HADHA: variants seen among roughly 807,000 people sequenced by gnomAD.
HADHA encodes the protein hydroxyacyl-CoA dehydrogenase trifunctional multienzyme complex subunit alpha.
A neutral mutation model predicts 91.3 loss-of-function variants in HADHA; 59 were observed. The observed-to-expected ratio is 0.65, with a 90% CI of 0.52 to 0.80. The LOEUF is 0.80. Ranked by LOEUF, HADHA falls within the 30% of genes least tolerant of loss-of-function variation. HADHA has a pLI of 0.00. For missense variants in HADHA, 800 were observed against 927.6 expected, an observed-to-expected ratio of 0.86 and a Z score of 1.79; for synonymous variants, 320 against 338.9, an observed-to-expected ratio of 0.94 and a Z score of 0.61.
Position 26,194,615 on chromosome 2 carries a change from G to A in HADHA, c.1644C>T (p.Thr548=), listed in dbSNP as rs1669609984. The A allele has an allele frequency of 6.2e-7, 1 of 1,611,518 alleles. No individual in the cohort carries two copies. The highest frequency in any genetic ancestry group is 2.2e-5 in the East Asian group (1 of 44,872). The change falls in exon 16 of 20, where the codon ACC becomes ACT. Residue 548 remains threonine, a synonymous_variant. Coordinates refer to ENST00000380649, the MANE Select transcript of HADHA (RefSeq NM_000182.5). ...CAGACATCATGGGCGCAAGACACCT[G>A]GTAGTATAGAAGCCAGGTCCATCCT... ...VVKDGPGFYT[T]RCLAPMMSEV...
chr2:26,228,740 T>C (rs2147778930), intron 7 of HADHA, among the ~76,000 whole-genome samples: 1 of 152,302 alleles, frequency 6.6e-6, no homozygotes, highest in African/African-American at 2.4e-5. Context: ...GGTGTGATCA[T>C]AGCTCACTAC....
chr2:26,201,331 C>A lies in HADHA; in HGVS notation c.1221-11G>T, dbSNP rs778084207. 9 of 1,582,762 alleles carry A rather than the reference C, an allele frequency of 5.7e-6. No individual in the cohort carries two copies. Among genetic ancestry groups the A allele is most frequent in the South Asian group, 2.2e-5 (2 of 90,436 alleles). The stretch of plus-strand genomic sequence containing the variant: ...ACTTTGTCATTCAATCTAGAAAAAA[C>A]ACATTCCTAGTTAGATGGGAAGAAA... On this transcript the variant is annotated splice_polypyrimidine_tract_variant and intron_variant, in intron 12 of 19. Coordinates refer to ENST00000380649, the MANE Select transcript of HADHA (RefSeq NM_000182.5).
intron 6 of HADHA, among the ~76,000 whole-genome samples, chr2:26,231,841 C>T (rs1297404883): frequency 6.6e-6 from 1 of 151,798 alleles, no homozygotes; most frequent in Non-Finnish European, 1.5e-5. Flanking sequence ...CAGTGGTGCA[C>T]GCCTGTAATT....
intron 7 of HADHA, among the ~76,000 whole-genome samples, chr2:26,216,854 T>C (rs1574616340): frequency 6.6e-6 from 1 of 152,112 alleles, no homozygotes. Context: ...TTGTTCTGCA[T>C]GTGCATGAGG....
chr2:26,239,765 G>A (rs1162820574), intron 1 of HADHA, among the ~76,000 whole-genome samples: 2 of 151,998 alleles, frequency 1.3e-5, no homozygotes, highest in Admixed American at 1.3e-4. Context: ...AGCACCAGAA[G>A]CAGAATGGGG....
Position 26,214,529 on chromosome 2 carries a change from C to A in HADHA, c.832G>T (p.Val278Phe). The A allele has an allele frequency of 6.2e-7, 1 of 1,603,486 alleles. No homozygotes were observed. The highest frequency in any genetic ancestry group is 8.5e-7 in the Non-Finnish European group (1 of 1,170,656). Reference sequence around the variant, plus strand: ...ACTTTTTTGTAAACCTGTTGCCTGACAAATGGAATAGTCATGGCATACGCT... The same window carrying A: ...ACTTTTTTGTAAACCTGTTGCCTGAAAAATGGAATAGTCATGGCATACGCT... ...LTAYAMTIPF[V>F]RQQVYKKVEE... The change falls in exon 9 of 20, where the codon GTC becomes TTC. Residue 278 changes from valine to phenylalanine, a missense_variant. By Grantham distance (50) the Val-to-Phe change is conservative. Coordinates refer to ENST00000380649, the MANE Select transcript of HADHA (RefSeq NM_000182.5). This position sits in a 1 kb window ranked among gnomAD's most constrained non-coding sequence, Gnocchi z 4.1.
intron 14 of HADHA, 87 bp from the exon 15 acceptor site, chr2:26,195,319 A>G: frequency 8.8e-7 from 1 of 1,132,832 alleles, no homozygotes; most frequent in Non-Finnish European, 1.3e-6. Flanking sequence ...AAACACTAGA[A>G]AGAAAGGTGG....
In HADHA at chr2:26,232,274, G is replaced by A; in HGVS notation, c.459C>T (p.Ala153=). The change falls in exon 6 of 20, where the codon GCC becomes GCT. Residue 153 remains alanine, a synonymous_variant. Coordinates refer to ENST00000380649, the MANE Select transcript of HADHA (RefSeq NM_000182.5). The part of the protein sequence containing the change: ...GSCLGGGLEV[A]ISCQYRIATK... Reference sequence around the variant, plus strand: ...TTGCTATTCTGTATTGGCATGAAATGGCAACCTTTGAACAAATGAAAGAAA... The same window carrying A: ...TTGCTATTCTGTATTGGCATGAAATAGCAACCTTTGAACAAATGAAAGAAA... The A allele has an allele frequency of 6.3e-7, 1 of 1,598,468 alleles. No individual in the cohort carries two copies. Among genetic ancestry groups the A allele is most frequent in the South Asian group, 1.1e-5 (1 of 90,718 alleles).
intron 7 of HADHA, among the ~76,000 whole-genome samples, chr2:26,226,036 G>A (rs1670477439): frequency 1.3e-5 from 2 of 152,068 alleles, no homozygotes; most frequent in African/African-American, 4.8e-5. Context: ...AAAAATCTTT[G>A]TATTTCTATA....
intron 7 of HADHA, among the ~76,000 whole-genome samples, chr2:26,226,300 AT>A (rs1457077851): frequency 1.3e-5 from 2 of 152,228 alleles, no homozygotes; most frequent in African/African-American, 2.4e-5. Context: ...CCTAGCAGGT[AT>A]TTTTGTAGAT....
chr2:26,232,134 C>T (rs35746418), intron 6 of HADHA, 26 bp downstream of exon 6: 1 of 1,574,746 alleles, frequency 6.4e-7, no homozygotes, highest in Non-Finnish European at 8.7e-7. Flanking sequence ...GGGCATATAG[C>T]TTCACAAAGG....
intron 7 of HADHA, among the ~76,000 whole-genome samples, chr2:26,219,006 CAA>C (rs371567909): frequency 7.8e-5 from 8 of 102,722 alleles, no homozygotes; most frequent in Admixed American, 1.1e-4. Context: ...GACTCCGTCT[CAA>C]AAAAAAAAAA....
intron 10 of HADHA, among the ~76,000 whole-genome samples, chr2:26,211,123 G>A (rs564471934): frequency 2.6e-4 from 40 of 152,196 alleles, no homozygotes; most frequent in African/African-American, 8.4e-4. Context: ...AAATTTAGTG[G>A]GTGCCAATAA....
At chr2:26,196,708 G>A (rs1324769611) in intron 14 of HADHA, among the ~76,000 whole-genome samples, 1 of 152,202 alleles carries the variant, frequency 6.6e-6, no homozygotes, top group East Asian at 1.9e-4. Flanking sequence ...TAGATACTTG[G>A]AGGGCAGAAC....
At chr2:26,236,368 T>C (rs1345750559) in intron 4 of HADHA, among the ~76,000 whole-genome samples, 1 of 144,820 alleles carries the variant, frequency 6.9e-6, no homozygotes. Context: ...TGTATATATA[T>C]ATATATATAC....
In HADHA at chr2:26,205,433, T is replaced by C. The variant is rs77254657; in HGVS notation, c.1086-1237A>G. 4.6e-3 allele frequency among the ~76,000 whole-genome samples: 697 copies of C among 152,216 alleles called. 3 individuals are homozygous for C. The highest frequency in any genetic ancestry group is 0.016 in the African/African-American group (679 of 41,530). ...GTACAAATATTTATATGGTGAGTGA[T>C]AAGTAATTGCAGGACAATGAGAAAA... On this transcript the variant is annotated intron_variant, in intron 11 of 19. Transcript: ENST00000380649.
At chr2:26,201,999 C>T (rs926938058) in intron 12 of HADHA, among the ~76,000 whole-genome samples, 4 of 151,158 alleles carry the variant, frequency 2.6e-5, no homozygotes, top group African/African-American at 9.7e-5. Flanking sequence ...TGGGGTTTCA[C>T]CATCTTGGCC....
At chr2:26,219,110 G>A (rs1251877338) in intron 7 of HADHA, among the ~76,000 whole-genome samples, 1 of 151,166 alleles carries the variant, frequency 6.6e-6, no homozygotes, top group Non-Finnish European at 1.5e-5. Context: ...CAAAGTAAAA[G>A]GCCAGTAATG....
At position 26,230,216 on chromosome 2, in the gene HADHA, C is replaced by G. The variant is rs71441018; in HGVS notation, c.652G>C (p.Val218Leu). ...RADRAKKMGL[V>L]DQLVEPLGPG... The stretch of plus-strand genomic sequence containing the variant: ...CCCAGGGGTTCCACCAGTTGGTCAA[C>G]CAGTCCCATTTTCTTTGCCCTGTCT... Residue 218 changes from valine (V) to leucine (L), a missense_variant, in exon 7 of 20, where the codon GTT becomes CTT. Transcript: ENST00000380649. The G allele has an allele frequency of 5.9e-4, 954 of 1,610,922 alleles. 1 individual carries two copies. The highest frequency in any genetic ancestry group is 2.3e-3 in the South Asian group (212 of 91,028).
Sources: gnomAD v4.1 joint callset for allele counts (sites outside exome capture counted in the v4.1 genomes callset) on GRCh38, gnomAD v4.1.1 for gene constraint, Gnocchi (gnomAD v3.1) non-coding constraint, MANE v1.5 for transcripts, NCBI Gene and HGNC (gene_info 2026-07-23, HGNC 2026-07-21) for gene names.